FANK1: variants seen among roughly 807,000 people sequenced by gnomAD.
FANK1 encodes fibronectin type 3 and ankyrin repeat domains protein 1.
In FANK1, 44 loss-of-function variants were observed where a neutral mutation model predicts 45.3. The observed-to-expected ratio is 0.97, with a 90% CI of 0.76 to 1.25. The LOEUF (loss-of-function observed/expected upper bound fraction) is 1.25. Ranked by LOEUF, FANK1 falls within the 50% of genes most tolerant of loss-of-function variation. FANK1 has a pLI of 0.00. For missense variants in FANK1, 391 were observed against 424.4 expected, an observed-to-expected ratio of 0.92 and a Z score of 0.69; for synonymous variants, 149 against 152.5, an observed-to-expected ratio of 0.98 and a Z score of 0.17.
chr10:125,929,395 A>AAGG (rs990609119), intron 1 of FANK1, among the ~76,000 whole-genome samples: 2 of 152,096 alleles, frequency 1.3e-5, no homozygotes, highest in Admixed American at 6.5e-5. Context: ...AGATCCCAGG[A>AAGG]AGGAGGGCAG....
chr10:125,990,834 A>G (rs7900129), intron 3 of FANK1, among the ~76,000 whole-genome samples: 56,044 of 152,096 alleles, frequency 0.37, 10,786 homozygotes, highest in South Asian at 0.49. Context: ...GGGAGGCCTC[A>G]CAACCATGGT....
At chr10:125,994,795 C>T (rs1352558473) in intron 3 of FANK1, 1 of 985,230 alleles carries the variant, frequency 1.0e-6, no homozygotes, top group African/African-American at 1.7e-5. Context: ...AGGATGCCCT[C>T]CTCCCCGGCT....
chr10:125,923,571 A>G (rs2134132318), intron 1 of FANK1, among the ~76,000 whole-genome samples: 1 of 152,036 alleles, frequency 6.6e-6, no homozygotes, highest in East Asian at 2.0e-4. Flanking sequence ...TCTGTTGCCC[A>G]GGCTGGAGTA....
intron 1 of FANK1, among the ~76,000 whole-genome samples, chr10:125,913,281 A>G (rs1589820660): frequency 6.6e-6 from 1 of 152,096 alleles, no homozygotes; most frequent in Non-Finnish European, 1.5e-5. Flanking sequence ...TAAACGCTGC[A>G]TGACACCCAA....
chr10:126,005,077 A>G, intron 7 of FANK1, 28 bp downstream of exon 7: 1 of 1,588,724 alleles, frequency 6.3e-7, no homozygotes, highest in Non-Finnish European at 8.6e-7. Flanking sequence ...TTAACCACGC[A>G]CATATCGTTA....
At chr10:125,931,907 C>A (rs1947777398) in intron 1 of FANK1, among the ~76,000 whole-genome samples, 2 of 152,134 alleles carry the variant, frequency 1.3e-5, no homozygotes, top group African/African-American at 4.8e-5. Context: ...AAGGATCCAG[C>A]TTCATTCTCC....
intron 2 of FANK1, 81 bp from the exon 3 acceptor site, chr10:125,988,470 C>T: frequency 1.3e-6 from 2 of 1,537,064 alleles, no homozygotes; most frequent in Middle Eastern, 1.8e-4. Flanking sequence ...AAATCACTTC[C>T]ACCTGCTCTT....
At chr10:125,959,450 T>C (rs1949787808) in intron 1 of FANK1, among the ~76,000 whole-genome samples, 1 of 141,984 alleles carries the variant, frequency 7.0e-6, no homozygotes, top group Non-Finnish European at 1.5e-5. Flanking sequence ...AAATAATGTA[T>C]TTAGGTACAA....
At chr10:125,941,525 A>T (rs916770249) in intron 1 of FANK1, among the ~76,000 whole-genome samples, 1 of 152,226 alleles carries the variant, frequency 6.6e-6, no homozygotes, top group African/African-American at 2.4e-5. Context: ...TTGTGTAGCT[A>T]TTGACTAATA....
chr10:125,904,402 C>A (rs2134105124), intron 1 of FANK1, among the ~76,000 whole-genome samples: 2 of 151,970 alleles, frequency 1.3e-5, no homozygotes, highest in South Asian at 4.1e-4. Flanking sequence ...GTGAATTCTT[C>A]AATGAAAGGG....
chr10:125,971,714 T>C (rs983485024), intron 1 of FANK1, among the ~76,000 whole-genome samples: 6 of 152,070 alleles, frequency 3.9e-5, no homozygotes, highest in Non-Finnish European at 4.4e-5. Flanking sequence ...CTCCGCCTCC[T>C]GGGTTCACGC....
chr10:125,964,440 G>A (rs1309599619), intron 1 of FANK1, among the ~76,000 whole-genome samples: 4 of 152,078 alleles, frequency 2.6e-5, no homozygotes, highest in East Asian at 1.9e-4. Flanking sequence ...TGATCCACCC[G>A]TCTAGGCCTC....
intron 3 of FANK1, among the ~76,000 whole-genome samples, chr10:125,991,443 T>G (rs1337137937): frequency 6.6e-6 from 1 of 152,090 alleles, no homozygotes; most frequent in Non-Finnish European, 1.5e-5. Flanking sequence ...TGGCTGCAGC[T>G]CCCTTATGCT....
Position 125,980,150 on chromosome 10 carries a change from C to T in FANK1, c.14-11C>T. The T allele has an allele frequency of 6.2e-7, 1 of 1,605,414 alleles. No homozygotes were observed. Among genetic ancestry groups the T allele is most frequent in the Non-Finnish European group, 8.5e-7 (1 of 1,176,520 alleles). ...CTGGGTCCTGAAGTTCGGTGTCATT[C>T]TTTTTTTTAGAAATCATGCCACCCT... On this transcript the variant is annotated splice_polypyrimidine_tract_variant and intron_variant, in intron 1 of 10. Coordinates refer to ENST00000368693, the MANE Select transcript of FANK1 (RefSeq NM_145235.5).
Position 125,964,186 on chromosome 10 carries a change from CTTTT to C in FANK1, c.14-15954_14-15951del, listed in dbSNP as rs71486557. ...ATGTAGATTATATCATTCTCTCTCTCTTTTTTTTTTTTTTTTTTTTTTTTGAGAT... is the reference window on the plus strand; with the variant it reads ...ATGTAGATTATATCATTCTCTCTCTCTTTTTTTTTTTTTTTTTTTTGAGAT... On this transcript the variant is annotated intron_variant, in intron 1 of 10. Coordinates refer to ENST00000368693, the MANE Select transcript of FANK1 (RefSeq NM_145235.5). 3.3e-4 allele frequency among the ~76,000 whole-genome samples: 26 copies of C among 78,428 alleles called. No individual in the cohort carries two copies. The East Asian group carries it at 7.5e-3, about 23-fold the overall frequency. 51.5% of individuals were successfully genotyped at this position (78,428 alleles called of 152,430 possible).
intron 6 of FANK1, among the ~76,000 whole-genome samples, chr10:125,999,107 T>A (rs4962316): frequency 6.6e-6 from 1 of 152,202 alleles, no homozygotes; most frequent in African/African-American, 2.4e-5. Flanking sequence ...TAACGTAACA[T>A]TTTCCATCAG....
At chr10:125,987,583 G>T (rs1301802757) in intron 2 of FANK1, among the ~76,000 whole-genome samples, 1 of 151,912 alleles carries the variant, frequency 6.6e-6, no homozygotes, top group East Asian at 1.9e-4. Flanking sequence ...TAGAAGAAAA[G>T]AAAAATTTAG....
chr10:125,976,609 G>A (rs1186763727), intron 1 of FANK1, among the ~76,000 whole-genome samples: 1 of 150,082 alleles, frequency 6.7e-6, no homozygotes, highest in East Asian at 1.9e-4. Context: ...GTTAATACTT[G>A]TGATTGCATT....
intron 1 of FANK1, among the ~76,000 whole-genome samples, chr10:125,920,081 T>G (rs2366339): frequency 0.021 from 3,140 of 152,178 alleles, 120 homozygotes; most frequent in African/African-American, 0.071. Flanking sequence ...ATGACTCCTG[T>G]CTCTCGTACT....
Sources: allele counts gnomAD v4.1 joint callset (sites outside exome capture counted in the v4.1 genomes callset), GRCh38; gene constraint gnomAD v4.1.1; transcripts MANE v1.5; gene names NCBI Gene and HGNC (gene_info 2026-07-23, HGNC 2026-07-21).